Variants in SDCCAG8 observed in about 807,000 individuals in gnomAD.
The protein encoded by SDCCAG8 is serologically defined colon cancer antigen 8.
In SDCCAG8, 74 loss-of-function variants were observed where a neutral mutation model predicts 101.8. The observed-to-expected ratio is 0.73, with a 90% CI of 0.60 to 0.88. The LOEUF (loss-of-function observed/expected upper bound fraction) is 0.88, where lower values mean the gene tolerates loss of function less well. Ranked by LOEUF, SDCCAG8 falls within the 40% of genes least tolerant of loss-of-function variation. The probability of loss-of-function intolerance (pLI) is 0.00; values close to 1 mark genes in which losing one functional copy is unlikely to be tolerated. For missense variants in SDCCAG8, 787 were observed against 822.6 expected, an observed-to-expected ratio of 0.96 and a Z score of 0.53; for synonymous variants, 281 against 292.9, an observed-to-expected ratio of 0.96 and a Z score of 0.41.
chr1:243,424,966 A>G (rs2081245577), intron 15 of SDCCAG8, among the ~76,000 whole-genome samples: 1 of 152,066 alleles, frequency 6.6e-6, no homozygotes, highest in Non-Finnish European at 1.5e-5. Context: ...GATAGGAGAT[A>G]CTAATCTTGG....
At chr1:243,287,751 A>C (rs1403206667) in intron 5 of SDCCAG8, among the ~76,000 whole-genome samples, 1 of 152,222 alleles carries the variant, frequency 6.6e-6, no homozygotes, top group Non-Finnish European at 1.5e-5. Context: ...TTTCTTCCAA[A>C]CACGTGGTCA....
At chr1:243,333,155 T>TCTTAATC (rs2074748302) in intron 10 of SDCCAG8, among the ~76,000 whole-genome samples, 1 of 152,208 alleles carries the variant, frequency 6.6e-6, no homozygotes, top group Non-Finnish European at 1.5e-5. Context: ...AAAGGTGTCT[T>TCTTAATC]CCTAATCCCT....
intron 9 of SDCCAG8, chr1:243,318,443 C>G (rs1372138347): frequency 2.4e-6 from 1 of 417,904 alleles, no homozygotes; most frequent in Non-Finnish European, 3.2e-6. Flanking sequence ...ATCTGTATAA[C>G]AAAACCCCGT....
chr1:243,378,867 C>A lies in SDCCAG8; in HGVS notation c.1616+4C>A. 6.2e-7 allele frequency: 1 copy of A among 1,614,032 alleles called. No homozygotes were observed. On this transcript the variant is annotated splice_donor_region_variant and intron_variant, in intron 13 of 17. Coordinates refer to ENST00000366541, the MANE Select transcript of SDCCAG8 (RefSeq NM_006642.5). Reference sequence around the variant, plus strand: ...AGCACCAACTGCACCTCACCAGGTACTCCCTAATCCCATTATGCGCCATAG... The same window carrying A: ...AGCACCAACTGCACCTCACCAGGTAATCCCTAATCCCATTATGCGCCATAG...
intron 17 of SDCCAG8, among the ~76,000 whole-genome samples, chr1:243,499,315 G>A (rs2148329214): frequency 6.6e-6 from 1 of 152,302 alleles, no homozygotes; most frequent in East Asian, 1.9e-4. Context: ...GTTTCAGCTT[G>A]TATTGTTTCA....
At chr1:243,490,356 G>A (rs576258593) in intron 17 of SDCCAG8, among the ~76,000 whole-genome samples, 15 of 152,350 alleles carry the variant, frequency 9.8e-5, no homozygotes, top group Admixed American at 8.5e-4. Context: ...AGCCACAGCC[G>A]CACTGCCACA....
chr1:243,373,195 A>G (rs1177768315), intron 12 of SDCCAG8, among the ~76,000 whole-genome samples: 1 of 152,032 alleles, frequency 6.6e-6, no homozygotes, highest in East Asian at 1.9e-4. Flanking sequence ...CGATGTGGTG[A>G]AGGCAGTGAA....
intron 12 of SDCCAG8, among the ~76,000 whole-genome samples, chr1:243,371,322 AG>A (rs2077275967): frequency 1.3e-5 from 2 of 152,250 alleles, no homozygotes; most frequent in East Asian, 3.9e-4. Context: ...ACTTGAAATC[AG>A]ACTAACTCCG....
intron 12 of SDCCAG8, among the ~76,000 whole-genome samples, chr1:243,356,183 T>C (rs2147834196): frequency 6.6e-6 from 1 of 152,308 alleles, no homozygotes; most frequent in Non-Finnish European, 1.5e-5. Flanking sequence ...AACGAATACA[T>C]CAAATATCTG....
chr1:243,413,365 C>T (rs1167152677), intron 13 of SDCCAG8, among the ~76,000 whole-genome samples: 2 of 152,122 alleles, frequency 1.3e-5, no homozygotes, highest in Non-Finnish European at 2.9e-5. Context: ...ACCACCACGC[C>T]CAGCTAATTT....
chr1:243,402,648 C>A (rs2079487032), intron 13 of SDCCAG8, among the ~76,000 whole-genome samples: 1 of 152,176 alleles, frequency 6.6e-6, no homozygotes, highest in East Asian at 1.9e-4. Context: ...CCAGTGGCTG[C>A]CACTCCAGAC....
intron 9 of SDCCAG8, among the ~76,000 whole-genome samples, chr1:243,324,422 A>C: frequency 7.0e-6 from 1 of 142,034 alleles, no homozygotes. Context: ...TCATTCTTAT[A>C]CCACTGCCCT....
At chr1:243,342,769 A>G (rs189269245) in intron 11 of SDCCAG8, among the ~76,000 whole-genome samples, 42 of 152,220 alleles carry the variant, frequency 2.8e-4, no homozygotes, top group African/African-American at 9.9e-4. Flanking sequence ...ATAATTTTTG[A>G]AATCGGAGGA....
chr1:243,273,720 T>C (rs1044906422), intron 3 of SDCCAG8, among the ~76,000 whole-genome samples: 4 of 152,226 alleles, frequency 2.6e-5, no homozygotes, highest in African/African-American at 9.6e-5. Flanking sequence ...GCTGCAGTTT[T>C]AGCTAGCAAA....
At chr1:243,443,263 C>T (rs1360984850) in intron 16 of SDCCAG8, among the ~76,000 whole-genome samples, 1 of 152,180 alleles carries the variant, frequency 6.6e-6, no homozygotes. Flanking sequence ...TGCTATTTAA[C>T]TTGGAACAAT....
chr1:243,259,701 C>T (rs1196538374), intron 1 of SDCCAG8, among the ~76,000 whole-genome samples: 1 of 151,964 alleles, frequency 6.6e-6, no homozygotes, highest in Non-Finnish European at 1.5e-5. Context: ...CGCGTGTAAC[C>T]CCAGCTACTC....
chr1:243,273,795 G>A (rs2068292303), intron 3 of SDCCAG8, among the ~76,000 whole-genome samples: 1 of 152,134 alleles, frequency 6.6e-6, no homozygotes, highest in Admixed American at 6.5e-5. Flanking sequence ...TGAATGGAAT[G>A]TTGTTTTTCC....
chr1:243,500,023 T>TGTG lies in SDCCAG8; in HGVS notation c.*239_*241dup. 1.7e-6 allele frequency: 1 copy of TGTG among 582,014 alleles called. No homozygotes were observed. Among genetic ancestry groups the TGTG allele is most frequent in the East Asian group, 2.8e-5 (1 of 35,888 alleles). 36.1% of individuals were successfully genotyped at this position (582,014 alleles called of 1,614,324 possible). The stretch of plus-strand genomic sequence containing the variant: ...TGTTTTCAGAAATGGCTTGAAGTTA[T>TGTG]GTGTTTAAATCTGCTCATTCGTATG... On this transcript the variant is annotated 3_prime_UTR_variant, in exon 18 of 18. Transcript: ENST00000366541.
At chr1:243,288,735 G>A (rs1000126405) in intron 5 of SDCCAG8, among the ~76,000 whole-genome samples, 1 of 152,116 alleles carries the variant, frequency 6.6e-6, no homozygotes, top group South Asian at 2.1e-4. Flanking sequence ...GTGGCCAGGC[G>A]CAGTGGCTCA....
Sources: allele counts gnomAD v4.1 joint callset (sites outside exome capture counted in the v4.1 genomes callset), GRCh38; gene constraint gnomAD v4.1.1; transcripts MANE v1.5; gene names NCBI Gene and HGNC (gene_info 2026-07-23, HGNC 2026-07-21).